TRIO: variants seen among roughly 807,000 people sequenced by gnomAD.
TRIO encodes triple functional domain protein.
A neutral mutation model predicts 351.9 loss-of-function variants in TRIO; 58 were observed. The ratio of observed to expected loss-of-function variants is 0.16; its 90% confidence interval spans 0.13 to 0.21. TRIO has a LOEUF of 0.21. Ranked by LOEUF, TRIO falls within the 10% of genes least tolerant of loss-of-function variation. The pLI is 1.00. For missense variants in TRIO, 3,201 were observed against 4,027.8 expected (o/e 0.79, Z 5.56); for synonymous variants, 1,758 against 1,595.7 (o/e 1.10, Z -2.42).
intron 34 of TRIO, among the ~76,000 whole-genome samples, chr5:14,430,800 C>T (rs1751044932): frequency 6.6e-6 from 1 of 152,078 alleles, no homozygotes; most frequent in Non-Finnish European, 1.5e-5. Flanking sequence ...ACCGCAATCT[C>T]CGCCTCCCGA....
At chr5:14,495,940 C>T (rs907951302) in intron 49 of TRIO, among the ~76,000 whole-genome samples, 1 of 152,136 alleles carries the variant, frequency 6.6e-6, no homozygotes, top group African/African-American at 2.4e-5. Context: ...TGCACTCCAG[C>T]CTGGGTGACT....
intron 37 of TRIO, chr5:14,466,314 C>T (rs574592463): frequency 3.3e-5 from 5 of 152,332 alleles, no homozygotes; most frequent in East Asian, 1.9e-4. Flanking sequence ...TTAGACTCTC[C>T]GTTTTGTTTT....
chr5:14,159,860 C>T (rs141869726), intron 1 of TRIO, among the ~76,000 whole-genome samples: 20 of 152,300 alleles, frequency 1.3e-4, no homozygotes, highest in East Asian at 7.7e-4. Flanking sequence ...CCACCGCGTC[C>T]GGCCGAGCTT....
At chr5:14,325,213 C>G (rs1740260045) in intron 9 of TRIO, among the ~76,000 whole-genome samples, 1 of 152,152 alleles carries the variant, frequency 6.6e-6, no homozygotes, top group African/African-American at 2.4e-5. Context: ...GAAATACTCT[C>G]CTGTTTGATG....
chr5:14,390,849 A>G, intron 26 of TRIO, 52 bp from the exon 27 acceptor site: 3 of 1,469,514 alleles, frequency 2.0e-6, no homozygotes, highest in South Asian at 1.3e-5. Flanking sequence ...AAAGTTTATC[A>G]TGCGTTGACT....
intron 1 of TRIO, among the ~76,000 whole-genome samples, chr5:14,260,268 T>C (rs1380289322): frequency 1.3e-5 from 2 of 152,154 alleles, no homozygotes; most frequent in African/African-American, 2.4e-5. Flanking sequence ...TAATTAATAA[T>C]AACAGTATCT....
At chr5:14,439,566 CAATT>C (rs1465546468) in intron 34 of TRIO, among the ~76,000 whole-genome samples, 2 of 152,158 alleles carry the variant, frequency 1.3e-5, no homozygotes, top group African/African-American at 4.8e-5. Flanking sequence ...CTTAGAATGT[CAATT>C]AACTTGATTT....
At chr5:14,269,544 A>T (rs938882228) in intron 1 of TRIO, among the ~76,000 whole-genome samples, 7 of 152,216 alleles carry the variant, frequency 4.6e-5, no homozygotes, top group African/African-American at 1.2e-4. Flanking sequence ...TGAAAGCTCC[A>T]CATTGCTTAG....
At chr5:14,215,826 A>T (rs752976584) in intron 1 of TRIO, among the ~76,000 whole-genome samples, 3 of 152,234 alleles carry the variant, frequency 2.0e-5, no homozygotes, top group Non-Finnish European at 4.4e-5. Context: ...TAAATAGACA[A>T]CTGAATTTTG....
intron 10 of TRIO, among the ~76,000 whole-genome samples, chr5:14,333,447 T>G (rs1741096015): frequency 6.6e-6 from 1 of 152,208 alleles, no homozygotes; most frequent in South Asian, 2.1e-4. Flanking sequence ...CCTGGGGCTT[T>G]TAATTTGCAC....
Position 14,335,905 on chromosome 5 carries a change from C to T in TRIO, c.1855-631C>T, listed in dbSNP as rs375773074. Among the ~76,000 whole-genome samples, 39 of 152,260 alleles carry T rather than the reference C, an allele frequency of 2.6e-4. No homozygotes were observed. The South Asian group carries it at 7.3e-3, about 28-fold the overall frequency. On this transcript the variant is annotated intron_variant, in intron 10 of 56. Transcript: ENST00000344204. ...GCTTGAGCCCAGGAGTTCAAGGCTG[C>T]AGTGAGCTGTGATCACACCACTGCA...
intron 37 of TRIO, among the ~76,000 whole-genome samples, chr5:14,468,726 C>T (rs555647509): frequency 2.2e-4 from 34 of 152,294 alleles, no homozygotes; most frequent in African/African-American, 6.5e-4. Flanking sequence ...CTGAGGCTGT[C>T]GCACACTCAT....
At chr5:14,459,106 CT>C (rs1005930126) in intron 34 of TRIO, among the ~76,000 whole-genome samples, 1 of 152,200 alleles carries the variant, frequency 6.6e-6, no homozygotes, top group Admixed American at 6.5e-5. Context: ...ATGAATGATC[CT>C]GCCTAAAACG....
intron 48 of TRIO, 111 bp downstream of exon 48, chr5:14,488,371 C>T: frequency 7.0e-7 from 1 of 1,434,146 alleles, no homozygotes; most frequent in Non-Finnish European, 9.2e-7. Context: ...CTCTCCGCCG[C>T]CCGTTGCGGC....
chr5:14,289,857 ATAATAAT>A (rs942394551), intron 4 of TRIO, among the ~76,000 whole-genome samples: 1 of 151,770 alleles, frequency 6.6e-6, no homozygotes, highest in African/African-American at 2.4e-5. Context: ...TCAAAAAAAA[ATAATAAT>A]AATAAATATA....
intron 49 of TRIO, among the ~76,000 whole-genome samples, chr5:14,496,099 A>T (rs530256204): frequency 3.9e-5 from 6 of 152,146 alleles, no homozygotes; most frequent in South Asian, 2.1e-4. Flanking sequence ...GGATGATAGC[A>T]TTTTTTTTAG....
intron 1 of TRIO, among the ~76,000 whole-genome samples, chr5:14,152,333 G>A (rs1467238630): frequency 1.3e-5 from 2 of 151,842 alleles, no homozygotes; most frequent in Admixed American, 1.3e-4. Context: ...AACCCAGATC[G>A]CATGGGGGCA....
rs543366284 is a variant in TRIO, at chr5:14,260,210, A to G, written c.158-10615A>G. Reference sequence around the variant, plus strand: ...TAAGGACTTATTTTTAGTGTCAGCGATAGATACAGCATTTCAATGAAAAGT... The same window carrying G: ...TAAGGACTTATTTTTAGTGTCAGCGGTAGATACAGCATTTCAATGAAAAGT... On this transcript the variant is annotated intron_variant, in intron 1 of 56. Transcript: ENST00000344204. 6.6e-5 allele frequency among the ~76,000 whole-genome samples: 10 copies of G among 152,370 alleles called. No individual in the cohort carries two copies. The South Asian group carries it at 2.1e-3, about 32-fold the overall frequency.
At chr5:14,477,480 C>T (rs1300149973) in intron 41 of TRIO, 1 of 152,258 alleles carries the variant, frequency 6.6e-6, no homozygotes, top group African/African-American at 2.4e-5. Context: ...CTGCATCCAA[C>T]TCATTGCTGT....
Sources: allele counts gnomAD v4.1 joint callset (sites outside exome capture counted in the v4.1 genomes callset), GRCh38; gene constraint gnomAD v4.1.1; transcripts MANE v1.5; gene names NCBI Gene and HGNC (gene_info 2026-07-23, HGNC 2026-07-21).